The following LRRC1 variants were observed in gnomAD, a reference collection of about 807,000 sequenced individuals.
LRRC1 encodes leucine-rich repeat-containing protein 1.
LRRC1 carries 28 observed loss-of-function variants against 69.9 expected under a neutral mutation model. The ratio of observed to expected loss-of-function variants is 0.40; its 90% CI spans 0.30 to 0.55. The LOEUF is 0.55. LRRC1 is among the 20% of genes least tolerant of loss of function. The pLI is 0.47. For missense variants in LRRC1, 498 were observed against 609.0 expected, an observed-to-expected ratio of 0.82 and a Z score of 1.92; for synonymous variants, 236 against 240.2, an observed-to-expected ratio of 0.98 and a Z score of 0.16.
At chr6:53,873,466 T>C (rs1232309382) in intron 2 of LRRC1, among the ~76,000 whole-genome samples, 2 of 150,814 alleles carry the variant, frequency 1.3e-5, no homozygotes, top group Non-Finnish European at 3.0e-5. Flanking sequence ...TAATTTTTTT[T>C]TTTTTTGTAT....
intron 7 of LRRC1, among the ~76,000 whole-genome samples, chr6:53,899,121 G>T (rs1161357929): frequency 6.6e-6 from 1 of 152,194 alleles, no homozygotes. Context: ...CTTGCACTTT[G>T]GGAATAGAAG....
intron 1 of LRRC1, among the ~76,000 whole-genome samples, chr6:53,821,909 T>C (rs1303986772): frequency 1.3e-5 from 2 of 151,884 alleles, no homozygotes; most frequent in African/African-American, 4.8e-5. Flanking sequence ...TTTCTGTTTG[T>C]TTTTCTCTTT....
intron 2 of LRRC1, among the ~76,000 whole-genome samples, chr6:53,855,398 A>G (rs9349684): frequency 0.37 from 56,866 of 152,082 alleles, 11,191 homozygotes; most frequent in East Asian, 0.68. Context: ...GCAAAACTGG[A>G]AGGTTGAGTG....
chr6:53,902,344 T>C (rs1768086645), intron 8 of LRRC1, among the ~76,000 whole-genome samples: 1 of 152,198 alleles, frequency 6.6e-6, no homozygotes, highest in African/African-American at 2.4e-5. Flanking sequence ...GAGAGAAAGC[T>C]GTTTTGTTTT....
chr6:53,891,999 A>ATAC (rs59126246), intron 4 of LRRC1, among the ~76,000 whole-genome samples: 1 of 133,680 alleles, frequency 7.5e-6, no homozygotes, highest in African/African-American at 2.9e-5. Context: ...CTAAAAAAAA[A>ATAC]ATATATATAT....
At chr6:53,913,351 T>G (rs1768471170) in intron 10 of LRRC1, among the ~76,000 whole-genome samples, 1 of 151,744 alleles carries the variant, frequency 6.6e-6, no homozygotes, top group Non-Finnish European at 1.5e-5. Flanking sequence ...GATACCCCTC[T>G]TTTTGAAAAA....
chr6:53,828,401 G>A (rs901291217), intron 1 of LRRC1, among the ~76,000 whole-genome samples: 1 of 152,208 alleles, frequency 6.6e-6, no homozygotes, highest in African/African-American at 2.4e-5. Context: ...GCTGATGCCG[G>A]AGGGGCTGGC....
intron 2 of LRRC1, among the ~76,000 whole-genome samples, chr6:53,854,884 T>C (rs1422618644): frequency 6.6e-6 from 1 of 152,218 alleles, no homozygotes; most frequent in East Asian, 1.9e-4. Flanking sequence ...TAAGCACAAG[T>C]TTTTTAAAAA....
Position 53,871,888 on chromosome 6 carries a change from G to A in LRRC1, c.278-7105G>A, listed in dbSNP as rs1040252199. On this transcript the variant is annotated intron_variant, in intron 2 of 13. Coordinates refer to ENST00000370888, the MANE Select transcript of LRRC1 (RefSeq NM_018214.5). ...TTGCCATGTTAGCCAGGCTGGTCTC[G>A]AACTCCTGAACTCAGGTGATCGGCC... Among the ~76,000 whole-genome samples the A allele has an allele frequency of 7.2e-5, 11 of 152,096 alleles. 1 individual carries two copies. The highest frequency in any genetic ancestry group is 2.1e-4 in the South Asian group (1 of 4,828).
At chr6:53,888,715 C>T (rs1488666077) in intron 4 of LRRC1, among the ~76,000 whole-genome samples, 1 of 152,132 alleles carries the variant, frequency 6.6e-6, no homozygotes, top group African/African-American at 2.4e-5. Context: ...AAAGCTAAAT[C>T]AAAATCAGAG....
rs1467139003 is a variant in LRRC1 at position 53,796,119 on chromosome 6, G to A, written c.159+704G>A. The stretch of plus-strand genomic sequence containing the variant: ...GTGGGAGCTGCGGTGAACGTCAGCG[G>A]AGGCTCTGCCCGCGGGCCAGCCTTG... On this transcript the variant is annotated intron_variant, in intron 1 of 13. Coordinates refer to ENST00000370888, the MANE Select transcript of LRRC1 (RefSeq NM_018214.5). Among the ~76,000 whole-genome samples the A allele has an allele frequency of 4.6e-5, 7 of 152,364 alleles. No homozygotes were observed. In the East Asian group the frequency reaches 1.4e-3, roughly 29 times the overall value.
chr6:53,922,895 C>CG lies in LRRC1; in HGVS notation c.*103dup. 8.8e-7 allele frequency: 1 copy of CG among 1,131,618 alleles called. No individual in the cohort carries two copies. The highest frequency in any genetic ancestry group is 2.4e-5 in the East Asian group (1 of 41,948). The allele number at this position is 1,131,618 out of a possible 1,614,324, so 70.1% of individuals were successfully genotyped here. A position where few individuals can be genotyped will look rare whatever the true frequency, so the allele number is the denominator to read the frequency against. Reference sequence around the variant, plus strand: ...CGTGCTCCTTGTCCTAACCAGCCCCCGCGCGCCATCTTCCCGTGGAGTGTG... The same window carrying CG: ...CGTGCTCCTTGTCCTAACCAGCCCCCGGCGCGCCATCTTCCCGTGGAGTGTG... On this transcript the variant is annotated 3_prime_UTR_variant, in exon 14 of 14. Coordinates refer to ENST00000370888, the MANE Select transcript of LRRC1 (RefSeq NM_018214.5).
At chr6:53,828,330 C>G (rs1765331793) in intron 1 of LRRC1, among the ~76,000 whole-genome samples, 1 of 152,222 alleles carries the variant, frequency 6.6e-6, no homozygotes, top group Middle Eastern at 3.2e-3. Flanking sequence ...TAGTTATTCA[C>G]AGGGCTAGGA....
At chr6:53,889,811 G>C (rs1350086371) in intron 4 of LRRC1, among the ~76,000 whole-genome samples, 1 of 152,180 alleles carries the variant, frequency 6.6e-6, no homozygotes, top group Non-Finnish European at 1.5e-5. Context: ...TCCGTAAAAA[G>C]AATGGACCTT....
chr6:53,893,868 G>A (rs1182737702), intron 4 of LRRC1, among the ~76,000 whole-genome samples: 1 of 152,100 alleles, frequency 6.6e-6, no homozygotes, highest in Non-Finnish European at 1.5e-5. Context: ...AGCATGATGG[G>A]GGTGGGAACT....
intron 1 of LRRC1, among the ~76,000 whole-genome samples, chr6:53,832,671 T>C (rs1765464149): frequency 6.6e-6 from 1 of 152,226 alleles, no homozygotes; most frequent in African/African-American, 2.4e-5. Context: ...ATGATACATT[T>C]GGTTAAAATG....
chr6:53,908,209 A>G (rs1251018940), intron 10 of LRRC1, among the ~76,000 whole-genome samples: 3 of 152,190 alleles, frequency 2.0e-5, no homozygotes, highest in Admixed American at 6.6e-5. Flanking sequence ...TTTGGCTAGA[A>G]GAAATTGAGC....
intron 10 of LRRC1, among the ~76,000 whole-genome samples, chr6:53,909,851 A>T (rs1006424547): frequency 1.3e-5 from 2 of 152,188 alleles, no homozygotes; most frequent in Admixed American, 1.3e-4. Flanking sequence ...GTGTGTGTTC[A>T]ATTATGTTAC....
At chr6:53,835,132 T>A (rs1765577724) in intron 1 of LRRC1, among the ~76,000 whole-genome samples, 1 of 152,146 alleles carries the variant, frequency 6.6e-6, no homozygotes. Flanking sequence ...AAGTGCGCAA[T>A]TCTCTGGTTT....
Sources: allele counts gnomAD v4.1 joint callset (sites outside exome capture counted in the v4.1 genomes callset), GRCh38; gene constraint gnomAD v4.1.1; transcripts MANE v1.5; gene names NCBI Gene and HGNC (gene_info 2026-07-23, HGNC 2026-07-21).